ABCB1: variants seen among roughly 807,000 people sequenced by gnomAD.
ABCB1 encodes ATP binding cassette subfamily B member 1.
In ABCB1, 69 loss-of-function variants were observed where a neutral mutation model predicts 142.0. The observed-to-expected ratio is 0.49, with a 90% CI of 0.40 to 0.59. ABCB1 has a LOEUF of 0.59. ABCB1 is among the 20% of genes least tolerant of loss of function. The pLI, the probability that ABCB1 is intolerant of heterozygous loss-of-function variation, is 0.00. For missense variants in ABCB1, 1,326 were observed against 1,554.7 expected (o/e 0.85, Z 2.47); for synonymous variants, 532 against 539.2 (o/e 0.99, Z 0.18).
At chr7:87,674,564 A>G (rs1223329614) in intron 1 of ABCB1, among the ~76,000 whole-genome samples, 1 of 152,138 alleles carries the variant, frequency 6.6e-6, no homozygotes, top group African/African-American at 2.4e-5. Flanking sequence ...GAGTCAGGGC[A>G]TGGGCAAATA....
intron 1 of ABCB1, among the ~76,000 whole-genome samples, chr7:87,690,308 T>C (rs1175914342): frequency 6.6e-6 from 1 of 152,206 alleles, no homozygotes; most frequent in Non-Finnish European, 1.5e-5. Flanking sequence ...GTGATCTATA[T>C]TTTTATTTTA....
chr7:87,694,019 CG>C, intron 1 of ABCB1: 1 of 1,598,608 alleles, frequency 6.3e-7, no homozygotes, highest in Non-Finnish European at 8.5e-7. Flanking sequence ...AATTGACTTT[CG>C]GGGGAGGGCT....
intron 1 of ABCB1, among the ~76,000 whole-genome samples, chr7:87,609,614 GC>G (rs1359785605): frequency 6.6e-6 from 1 of 152,256 alleles, no homozygotes; most frequent in African/African-American, 2.4e-5. Context: ...GGGGACAGGC[GC>G]AATCATATTC....
intron 1 of ABCB1, chr7:87,700,583 A>G (rs1242660721): frequency 6.9e-7 from 1 of 1,453,016 alleles, no homozygotes; most frequent in African/African-American, 1.4e-5. Flanking sequence ...ACTCGTTTCT[A>G]TTTTTTTTTT....
intron 1 of ABCB1, among the ~76,000 whole-genome samples, chr7:87,611,638 T>C (rs1396274929): frequency 6.6e-6 from 1 of 152,092 alleles, no homozygotes; most frequent in Non-Finnish European, 1.5e-5. Context: ...AGCACCTAGG[T>C]TGATTACATG....
chr7:87,561,250 A>T lies in ABCB1; in HGVS notation c.827+13T>A. 1 of 1,613,586 alleles carries T rather than the reference A, an allele frequency of 6.2e-7. No individual in the cohort carries two copies. Among genetic ancestry groups the T allele is most frequent in the Non-Finnish European group, 8.5e-7 (1 of 1,179,770 alleles). On this transcript the variant is annotated intron_variant, in intron 8 of 27. Transcript: ENST00000622132. ...ATTTAACATATCTATCCATTTAAAA[A>T]AGAAACTCAAACCTTTCAAGTTCTT...
In ABCB1 at chr7:87,504,385, A is replaced by C; in HGVS notation, c.3701T>G (p.Leu1234Arg). 1 of 1,614,146 alleles carries C rather than the reference A, an allele frequency of 6.2e-7. No individual in the cohort carries two copies. Among genetic ancestry groups the C allele is most frequent in the Non-Finnish European group, 8.5e-7 (1 of 1,179,988 alleles). ...GRTCIVIAHRLSTIQNADLIV... is the reference protein window; with the variant it reads ...GRTCIVIAHRRSTIQNADLIV... ...TAAGTCTGCATTCTGGATGGTGGACAGGCGGTGAGCAATCACAATGCAGGT... is the reference window on the plus strand; with the variant it reads ...TAAGTCTGCATTCTGGATGGTGGACCGGCGGTGAGCAATCACAATGCAGGT... The change falls in exon 28 of 28, where the codon CTG becomes CGG. Residue 1234 changes from leucine to arginine, a missense_variant. Transcript: ENST00000622132.
chr7:87,703,845 A>C (rs1324947017), intron 1 of ABCB1, among the ~76,000 whole-genome samples: 2 of 107,014 alleles, frequency 1.9e-5, no homozygotes, highest in Non-Finnish European at 3.8e-5. Flanking sequence ...ATGCAGTGTG[A>C]ATTCCCCTTT....
intron 26 of ABCB1, 139 bp from the exon 27 acceptor site, chr7:87,506,182 A>C: frequency 1.2e-6 from 1 of 842,494 alleles, no homozygotes; most frequent in African/African-American, 1.7e-5. Context: ...TGAATAATTA[A>C]GGAAAGAACA....
At chr7:87,557,055 C>T (rs1817341587) in intron 8 of ABCB1, among the ~76,000 whole-genome samples, 1 of 152,178 alleles carries the variant, frequency 6.6e-6, no homozygotes, top group African/African-American at 2.4e-5. Context: ...CTCAAAGAGG[C>T]CTGCCCCAAC....
At chr7:87,587,483 T>C (rs1818806553) in intron 3 of ABCB1, among the ~76,000 whole-genome samples, 1 of 152,128 alleles carries the variant, frequency 6.6e-6, no homozygotes, top group African/African-American at 2.4e-5. Context: ...GTACAGTGTA[T>C]AGAATAGACA....
rs528139822 is a variant in ABCB1, at chr7:87,568,397, G to A, written c.339-1421C>T. Among the ~76,000 whole-genome samples the A allele has an allele frequency of 4.7e-5, 7 of 148,468 alleles. No individual in the cohort carries two copies. The South Asian group carries it at 1.3e-3, about 27-fold the overall frequency. ...CCACTACACTCCAACCTGGGTGACA[G>A]AGTAAAACTCCATCTCAAAAAAAAA... On this transcript the variant is annotated intron_variant, in intron 5 of 27. Transcript: ENST00000622132.
chr7:87,695,244 AAAGCT>A (rs1276528054), intron 1 of ABCB1, among the ~76,000 whole-genome samples: 1 of 152,134 alleles, frequency 6.6e-6, no homozygotes, highest in Non-Finnish European at 1.5e-5. Flanking sequence ...TTTTACCTTC[AAAGCT>A]GGATGGTCTA....
intron 1 of ABCB1, among the ~76,000 whole-genome samples, chr7:87,641,714 T>A (rs1822474908): frequency 6.6e-6 from 1 of 152,194 alleles, no homozygotes; most frequent in Non-Finnish European, 1.5e-5. Flanking sequence ...GTTTTGAAAA[T>A]ATTTTATGAA....
chr7:87,626,077 C>CATAT lies in ABCB1; in HGVS notation c.-330-25003_-330-25000dup, dbSNP rs372003612. 5.9e-3 allele frequency among the ~76,000 whole-genome samples: 494 copies of CATAT among 84,292 alleles called. 65 individuals are homozygous for CATAT. The highest frequency in any genetic ancestry group is 0.014 in the African/African-American group (231 of 16,946). The allele number at this position is 84,292 out of a possible 152,430, so 55.3% of individuals were successfully genotyped here. A position where few individuals can be genotyped will look rare whatever the true frequency, so the allele number is the denominator to read the frequency against. The stretch of plus-strand genomic sequence containing the variant: ...TCTCATTCTGTCGCCCAGGCTGAGA[C>CATAT]ATATATATATATATATATATATTGT... On this transcript the variant is annotated intron_variant, in intron 1 of 28. Transcript: ENST00000265724.
At chr7:87,603,730 C>T (rs1334604677), upstream of ABCB1, among the ~76,000 whole-genome samples, 1 of 152,182 alleles carries the variant, frequency 6.6e-6, no homozygotes, top group African/African-American at 2.4e-5. Flanking sequence ...TAGTACCTGG[C>T]TGCATTAAAC....
intron 1 of ABCB1, among the ~76,000 whole-genome samples, chr7:87,666,987 A>C (rs1472998085): frequency 4.6e-5 from 7 of 152,044 alleles, no homozygotes; most frequent in Non-Finnish European, 1.0e-4. Context: ...ATTTTGGTTC[A>C]ATATGAATTT....
intron 2 of ABCB1, among the ~76,000 whole-genome samples, chr7:87,598,944 G>A (rs1231162705): frequency 1.3e-5 from 2 of 152,140 alleles, no homozygotes; most frequent in Non-Finnish European, 2.9e-5. Flanking sequence ...GGGAGGAATG[G>A]TATTTAGAAA....
chr7:87,608,963 G>T (rs1819754585), intron 1 of ABCB1, among the ~76,000 whole-genome samples: 1 of 152,118 alleles, frequency 6.6e-6, no homozygotes, highest in Non-Finnish European at 1.5e-5. Context: ...TATTAATCAA[G>T]TACCCTGTAT....
Sources: allele counts gnomAD v4.1 joint callset (sites outside exome capture counted in the v4.1 genomes callset), GRCh38; gene constraint gnomAD v4.1.1; transcripts MANE v1.5; gene names NCBI Gene and HGNC (gene_info 2026-07-23, HGNC 2026-07-21).